The following ADGRL3 variants were observed in gnomAD, a reference collection of about 807,000 sequenced individuals.
The protein encoded by ADGRL3 is adhesion G protein-coupled receptor L3.
In ADGRL3, 62 loss-of-function variants were observed where a neutral mutation model predicts 153.5. That is an observed-to-expected ratio of 0.40 (90% CI 0.33 to 0.50). ADGRL3 has a LOEUF of 0.50. Among genes scored for constraint, ADGRL3 ranks in the 20% least tolerant of loss-of-function variants. ADGRL3 has a pLI of 0.47. For missense variants in ADGRL3, 1,641 were observed against 1,859.4 expected (o/e 0.88, Z 2.16); for synonymous variants, 710 against 672.5 (o/e 1.06, Z -0.86).
chr4:61,353,520 A>G (rs1484821779), intron 1 of ADGRL3, among the ~76,000 whole-genome samples: 1 of 152,076 alleles, frequency 6.6e-6, no homozygotes, highest in African/African-American at 2.4e-5. Flanking sequence ...TGTTTTATCT[A>G]AAAGAGGTGT....
intron 6 of ADGRL3, among the ~76,000 whole-genome samples, chr4:61,726,312 C>T (rs2151730614): frequency 6.7e-6 from 1 of 149,196 alleles, no homozygotes; most frequent in Non-Finnish European, 1.5e-5. Context: ...GATTCTTCTG[C>T]CTCAGCCTCC....
intron 4 of ADGRL3, among the ~76,000 whole-genome samples, chr4:61,542,445 A>G (rs187800820): frequency 8.9e-4 from 136 of 152,358 alleles, no homozygotes; most frequent in Middle Eastern, 3.4e-3. Context: ...GATAATTAAG[A>G]CAGTACAGAA....
chr4:61,638,773 C>T (rs1229782160), intron 5 of ADGRL3, among the ~76,000 whole-genome samples: 6 of 152,130 alleles, frequency 3.9e-5, no homozygotes, highest in African/African-American at 1.4e-4. Context: ...TAATGTTGCT[C>T]ATATGTTTAT....
intron 1 of ADGRL3, among the ~76,000 whole-genome samples, chr4:61,369,138 A>G (rs1325935070): frequency 1.3e-5 from 2 of 152,148 alleles, no homozygotes; most frequent in East Asian, 1.9e-4. Context: ...GGCTGAGACA[A>G]TGGGGTTTTC....
chr4:61,694,179 A>AT (rs554084495), intron 6 of ADGRL3, among the ~76,000 whole-genome samples: 1 of 26,710 alleles, frequency 3.7e-5, no homozygotes, highest in Non-Finnish European at 7.1e-5. Context: ...TTTTGTCATT[A>AT]TTTTTTTTTT....
intron 4 of ADGRL3, among the ~76,000 whole-genome samples, chr4:61,532,335 G>A (rs1270537527): frequency 1.3e-5 from 2 of 152,104 alleles, no homozygotes; most frequent in Non-Finnish European, 1.5e-5. Flanking sequence ...TTGGGACTCA[G>A]CTTTTCAAGT....
At chr4:61,309,668 T>C (rs17090428) in intron 1 of ADGRL3, among the ~76,000 whole-genome samples, 2,924 of 152,166 alleles carry the variant, frequency 0.019, 85 homozygotes, top group African/African-American at 0.064. Flanking sequence ...TTTTTAGATG[T>C]GTTCACCAAT....
chr4:61,674,755 T>G (rs2095129966), intron 5 of ADGRL3, among the ~76,000 whole-genome samples: 1 of 151,978 alleles, frequency 6.6e-6, no homozygotes, highest in African/African-American at 2.4e-5. Context: ...CAAGGTGTAA[T>G]GTGAAAATTA....
At chr4:62,009,485 A>G (rs2099174143) in intron 21 of ADGRL3, among the ~76,000 whole-genome samples, 1 of 152,166 alleles carries the variant, frequency 6.6e-6, no homozygotes, top group South Asian at 2.1e-4. Context: ...CATTAAATGT[A>G]CACTCATTGT....
intron 6 of ADGRL3, among the ~76,000 whole-genome samples, chr4:61,694,807 C>A (rs2095610758): frequency 6.6e-6 from 1 of 152,166 alleles, no homozygotes; most frequent in Non-Finnish European, 1.5e-5. Context: ...CCTCTCAAAC[C>A]CTGATACTGC....
chr4:61,873,887 A>C (rs1275058866), intron 9 of ADGRL3, among the ~76,000 whole-genome samples: 1 of 152,086 alleles, frequency 6.6e-6, no homozygotes, highest in African/African-American at 2.4e-5. Context: ...TACAATGCAA[A>C]GAACAACTCT....
chr4:61,750,216 T>G (rs1291495802), intron 8 of ADGRL3, among the ~76,000 whole-genome samples: 3 of 146,296 alleles, frequency 2.1e-5, no homozygotes, highest in African/African-American at 7.5e-5. Context: ...AAGGCAGTAT[T>G]CCCTACTATT....
chr4:61,738,871 A>ACT (rs1173047287), intron 8 of ADGRL3, among the ~76,000 whole-genome samples: 1 of 151,948 alleles, frequency 6.6e-6, no homozygotes, highest in African/African-American at 2.4e-5. Context: ...GCTTTCAGAG[A>ACT]CTCTAAGTGA....
chr4:61,433,365 T>A (rs6821354), intron 2 of ADGRL3, among the ~76,000 whole-genome samples: 3,879 of 151,286 alleles, frequency 0.026, 135 homozygotes, highest in African/African-American at 0.078. Flanking sequence ...GCTTTTTTTT[T>A]AAAAAAAAAT....
intron 9 of ADGRL3, among the ~76,000 whole-genome samples, chr4:61,862,375 C>T (rs1383444872): frequency 6.6e-6 from 1 of 152,134 alleles, no homozygotes; most frequent in Non-Finnish European, 1.5e-5. Flanking sequence ...CTAGATCAGC[C>T]AAATCACAGG....
chr4:61,480,267 G>A (rs1165587077), intron 2 of ADGRL3, among the ~76,000 whole-genome samples: 2 of 152,058 alleles, frequency 1.3e-5, no homozygotes, highest in Non-Finnish European at 2.9e-5. Flanking sequence ...CCAAATATAA[G>A]TGAGGTCATT....
chr4:61,247,853 G>T (rs1466601774), intron 1 of ADGRL3, among the ~76,000 whole-genome samples: 2 of 152,016 alleles, frequency 1.3e-5, no homozygotes, highest in East Asian at 3.9e-4. Context: ...TGTCAAGAAT[G>T]ATACCATAAC....
intron 2 of ADGRL3, among the ~76,000 whole-genome samples, chr4:61,406,210 A>T (rs1181006745): frequency 6.6e-6 from 1 of 151,902 alleles, no homozygotes; most frequent in Non-Finnish European, 1.5e-5. Flanking sequence ...GTGGAATATC[A>T]CATAGCTAAC....
chr4:61,560,741 G>T (rs2098791689), intron 4 of ADGRL3, among the ~76,000 whole-genome samples: 1 of 151,882 alleles, frequency 6.6e-6, no homozygotes, highest in Non-Finnish European at 1.5e-5. Flanking sequence ...CCATGCAACT[G>T]ACTCAATATG....
Sources: allele counts gnomAD v4.1 joint callset (sites outside exome capture counted in the v4.1 genomes callset), GRCh38; gene constraint gnomAD v4.1.1; transcripts MANE v1.5; gene names NCBI Gene and HGNC (gene_info 2026-07-23, HGNC 2026-07-21).